TLE3: variants seen among roughly 807,000 people sequenced by gnomAD.
TLE3 encodes transducin-like enhancer protein 3.
TLE3 carries 14 observed loss-of-function variants against 93.0 expected under a neutral mutation model. The ratio of observed to expected loss-of-function variants is 0.15; its 90% CI spans 0.10 to 0.24. The LOEUF is 0.24. Among genes scored for constraint, TLE3 ranks in the 10% least tolerant of loss-of-function variants. The pLI is 1.00. For synonymous variants in TLE3, 451 were observed against 425.0 expected (o/e 1.06, Z -0.75); for missense variants, 693 against 1,046.6 (o/e 0.66, Z 4.66).
chr15:70,060,574 C>T lies in TLE3; in HGVS notation c.670G>A (p.Ala224Thr). The T allele has an allele frequency of 1.9e-6, 3 of 1,614,036 alleles. No homozygotes were observed. The highest frequency in any genetic ancestry group is 2.5e-6 in the Non-Finnish European group (3 of 1,179,884). ...TTCTCCTCCGCCTTCCGCTTCTTGG[C>T]TTCCATGCTGTAGTCCGCAGAGCCC... ...HRGSADYSME[A>T]KKRKAEEKDS... Residue 224 changes from alanine (A) to threonine (T), a missense_variant, in exon 9 of 20, where the codon GCC becomes ACC. Transcript: ENST00000451782.
At chr15:70,050,786 G>C (rs2141361604) in intron 19 of TLE3, 1 of 157,944 alleles carries the variant, frequency 6.3e-6, no homozygotes. Context: ...GAGGAAGAAA[G>C]TGTGTGGGGG....
At position 70,050,016 on chromosome 15, in the gene TLE3, C is replaced by T. The variant is rs1042266465; in HGVS notation, c.*81G>A. On this transcript the variant is annotated 3_prime_UTR_variant, in exon 20 of 20. Transcript: ENST00000451782. ...CCTGCGGCCCATCCTCCGCCATCCT[C>T]GGGGCCCCTCGCCTGGGGGTCTCCC... The T allele has an allele frequency of 1.1e-4, 144 of 1,281,736 alleles. No homozygotes were observed. Among genetic ancestry groups the T allele is most frequent in the African/African-American group, 3.7e-4 (25 of 68,042 alleles). The allele number at this position is 1,281,736 out of a possible 1,614,324, so 79.4% of individuals were successfully genotyped here. A position where few individuals can be genotyped will look rare whatever the true frequency, so the allele number is the denominator to read the frequency against.
chr15:70,059,289 C>T, intron 10 of TLE3, 121 bp downstream of exon 10: 1 of 1,214,188 alleles, frequency 8.2e-7, no homozygotes, highest in African/African-American at 1.5e-5. Flanking sequence ...GACTGGAGGC[C>T]TTGTCTCCCT....
rs547575429 is a variant in TLE3, at chr15:70,070,811, A to G, written c.372+3722T>C. On this transcript the variant is annotated intron_variant, in intron 6 of 19. Transcript: ENST00000451782. ...CTTGGCCATCCTTTCCCCTCACACA[A>G]AATTCAGTCAACTGAATGCAGCTCA... Among the ~76,000 whole-genome samples the G allele has an allele frequency of 7.2e-5, 11 of 152,268 alleles. 1 individual carries two copies. In the South Asian group the frequency reaches 2.1e-3, roughly 29 times the overall value.
chr15:70,052,600 C>A, intron 17 of TLE3, 76 bp from the exon 18 acceptor site: 1 of 1,501,912 alleles, frequency 6.7e-7, no homozygotes, highest in Non-Finnish European at 8.9e-7. Context: ...CCCAAAGGTG[C>A]TGCTCAGGTC....
At chr15:70,082,790 T>G (rs1041157288) in intron 4 of TLE3, among the ~76,000 whole-genome samples, 1 of 151,744 alleles carries the variant, frequency 6.6e-6, no homozygotes, top group East Asian at 1.9e-4. Flanking sequence ...CACAGGCGGG[T>G]GAGGATGACA....
chr15:70,059,547 T>C, intron 9 of TLE3, 87 bp from the exon 10 acceptor site: 1 of 1,370,626 alleles, frequency 7.3e-7, no homozygotes, highest in Non-Finnish European at 1.0e-6. Context: ...GTCCTTCTAC[T>C]GGCCAGGACC....
intron 10 of TLE3, among the ~76,000 whole-genome samples, chr15:70,059,205 C>T (rs1382287377): frequency 6.6e-6 from 1 of 152,128 alleles, no homozygotes; most frequent in Non-Finnish European, 1.5e-5. Flanking sequence ...GCAGGAGGCC[C>T]TCCAGGCCCA....
intron 3 of TLE3, chr15:70,094,824 G>A: frequency 4.0e-6 from 2 of 504,692 alleles, no homozygotes. Context: ...CCTCCCACAA[G>A]CACCACATGT....
intron 6 of TLE3, among the ~76,000 whole-genome samples, chr15:70,071,534 C>T (rs1488325143): frequency 1.3e-5 from 2 of 152,130 alleles, no homozygotes; most frequent in Non-Finnish European, 2.9e-5. Context: ...CTGCCCATGC[C>T]GGAGGTATCT....
chr15:70,059,336 G>T, intron 10 of TLE3, 74 bp downstream of exon 10: 6 of 1,519,988 alleles, frequency 3.9e-6, no homozygotes, highest in African/African-American at 1.4e-5. Context: ...AGACAGAATA[G>T]ATCCCACCCT....
chr15:70,094,791 G>A, intron 3 of TLE3: 3 of 541,536 alleles, frequency 5.5e-6, no homozygotes, highest in Non-Finnish European at 1.0e-5. Flanking sequence ...ATATTATGTG[G>A]TAGTAAGGGG....
intron 13 of TLE3, among the ~76,000 whole-genome samples, chr15:70,057,028 C>T (rs1386074259): frequency 2.0e-5 from 3 of 152,230 alleles, no homozygotes; most frequent in African/African-American, 7.2e-5. Flanking sequence ...GCTGGGATTA[C>T]AGGCGTGAGC....
At chr15:70,050,923 TA>T (rs2055472121) in intron 19 of TLE3, 4 of 161,582 alleles carry the variant, frequency 2.5e-5, no homozygotes. Context: ...TGGTAGATTA[TA>T]AAAAGCCTCT....
At chr15:70,087,965 C>T (rs1231881584) in intron 4 of TLE3, among the ~76,000 whole-genome samples, 2 of 152,172 alleles carry the variant, frequency 1.3e-5, no homozygotes, top group African/African-American at 4.8e-5. Context: ...GTCCTTGCCC[C>T]ACCCACCCTG....
At chr15:70,073,327 A>G (rs1288400032) in intron 6 of TLE3, among the ~76,000 whole-genome samples, 2 of 152,136 alleles carry the variant, frequency 1.3e-5, no homozygotes, top group Non-Finnish European at 2.9e-5. Flanking sequence ...CCATGACTAA[A>G]ACACAGACCT....
Position 70,058,386 on chromosome 15 carries a change from A to T in TLE3, c.919-95T>A. 1 of 1,511,242 alleles carries T rather than the reference A, an allele frequency of 6.6e-7. No individual in the cohort carries two copies. The highest frequency in any genetic ancestry group is 8.9e-7 in the Non-Finnish European group (1 of 1,126,808). The allele number at this position is 1,511,242 out of a possible 1,614,324, so 93.6% of individuals were successfully genotyped here. A position where few individuals can be genotyped will look rare whatever the true frequency, so the allele number is the denominator to read the frequency against. On this transcript the variant is annotated intron_variant, in intron 11 of 19. Transcript: ENST00000451782. The surrounding 1 kb of genome is among the most constrained non-coding windows in gnomAD (Gnocchi z 4.1). ...GTGCCGGTCCCAACGTGAAGCCCAGAGCCAGACCCTTATGAAGCTTCTGCC... is the reference window on the plus strand; with the variant it reads ...GTGCCGGTCCCAACGTGAAGCCCAGTGCCAGACCCTTATGAAGCTTCTGCC...
At chr15:70,070,848 G>C (rs1001427406) in intron 6 of TLE3, among the ~76,000 whole-genome samples, 1 of 152,128 alleles carries the variant, frequency 6.6e-6, no homozygotes, top group Non-Finnish European at 1.5e-5. Flanking sequence ...CCACATCCTG[G>C]AGTGAATACC....
At chr15:70,082,219 T>C (rs1325888264) in intron 4 of TLE3, among the ~76,000 whole-genome samples, 1 of 152,234 alleles carries the variant, frequency 6.6e-6, no homozygotes, top group African/African-American at 2.4e-5. Flanking sequence ...CTCTCAATGA[T>C]GTGACTAAAA....
Sources: gnomAD v4.1 joint callset for allele counts (sites outside exome capture counted in the v4.1 genomes callset) on GRCh38, gnomAD v4.1.1 for gene constraint, Gnocchi (gnomAD v3.1) non-coding constraint, MANE v1.5 for transcripts, NCBI Gene and HGNC (gene_info 2026-07-23, HGNC 2026-07-21) for gene names.